Variants in UGGT1 observed in about 807,000 individuals in gnomAD.
UGGT1 encodes UDP-glucose glycoprotein glucosyltransferase 1.
UGGT1 carries 107 observed loss-of-function variants against 203.9 expected under a neutral mutation model. That is an observed-to-expected ratio of 0.52 (90% CI 0.45 to 0.62). The LOEUF (loss-of-function observed/expected upper bound fraction) is 0.62, where lower values mean the gene tolerates loss of function less well. UGGT1 is among the 20% of genes least tolerant of loss of function. The pLI is 0.00. For synonymous variants in UGGT1, 628 were observed against 653.5 expected (o/e 0.96, Z 0.59); for missense variants, 1,673 against 1,867.2 (o/e 0.90, Z 1.92).
rs374231558 is a variant in UGGT1 at position 128,145,012 on chromosome 2, GC to G, written c.1852-789del. On this transcript the variant is annotated intron_variant, in intron 17 of 40. Transcript: ENST00000259253. ...AAAAATGTCTGTCTTAGGTACATTT[GC>G]CGTTTTGTTGCCCCAGTATTTTCTG... Among the ~76,000 whole-genome samples the G allele has an allele frequency of 5.5e-4, 83 of 152,248 alleles. No homozygotes were observed. The East Asian group carries it at 8.5e-3, about 16-fold the overall frequency.
chr2:128,113,343 A>G, intron 6 of UGGT1, 85 bp downstream of exon 6: 1 of 1,139,660 alleles, frequency 8.8e-7, no homozygotes, highest in Non-Finnish European at 1.2e-6. Flanking sequence ...CTCCCTCTTT[A>G]TAAAAAAATC....
At chr2:128,120,955 AGTGT>A (rs1688354223) in intron 9 of UGGT1, among the ~76,000 whole-genome samples, 1 of 3,246 alleles carries the variant, frequency 3.1e-4, no homozygotes, top group Non-Finnish European at 7.2e-3. Context: ...TACATGCGTT[AGTGT>A]AGCGTTAGTG....
chr2:128,176,853 G>T lies in UGGT1; in HGVS notation c.3579G>T (p.Val1193=). ...GTDSPPDADE[V]VIVLNNFKSK... is the part of the protein sequence containing the mutation. ...ATTCTCCCCCTGATGCTGATGAGGTGGTTATCGTCCTCAACAACTTCAAAA... is the reference window on the plus strand; with the variant it reads ...ATTCTCCCCCTGATGCTGATGAGGTTGTTATCGTCCTCAACAACTTCAAAA... Residue 1193 remains valine, a synonymous_variant, in exon 32 of 41, where the codon GTG becomes GTT. Transcript: ENST00000259253. The T allele has an allele frequency of 6.2e-7, 1 of 1,614,104 alleles. No homozygotes were observed. Among genetic ancestry groups the T allele is most frequent in the South Asian group, 1.1e-5 (1 of 91,074 alleles).
intron 14 of UGGT1, 81 bp downstream of exon 14, chr2:128,133,341 C>T: frequency 1.3e-6 from 2 of 1,541,902 alleles, no homozygotes; most frequent in Non-Finnish European, 1.8e-6. Flanking sequence ...AGAATGGTCA[C>T]TTCTCACCTT....
Position 128,157,337 on chromosome 2 carries a change from CA to C in UGGT1, c.2349del (p.Lys783AsnfsTer11). The C allele has an allele frequency of 6.2e-7, 1 of 1,613,712 alleles. No individual in the cohort carries two copies. Among genetic ancestry groups the C allele is most frequent in the Non-Finnish European group, 8.5e-7 (1 of 1,179,654 alleles). On this transcript the variant is annotated frameshift_variant, in exon 22 of 41. Transcript: ENST00000259253. LOFTEE classifies it high-confidence loss of function. Reference protein sequence around the residue: ...SGRQLLYDAIKHQKSSNNVRI... With the variant: ...SGRQLLYDAIXHQKSSNNVRI... Reference sequence around the variant, plus strand: ...GACGGCAGTTACTGTATGATGCCATCAAACATCAGGCAAGTATCTATGACTT... The same window carrying C: ...GACGGCAGTTACTGTATGATGCCATCAACATCAGGCAAGTATCTATGACTT...
intron 4 of UGGT1, among the ~76,000 whole-genome samples, chr2:128,108,659 A>G: frequency 1.2e-5 from 1 of 86,360 alleles, no homozygotes; most frequent in Non-Finnish European, 2.6e-5. Flanking sequence ...AAAATAAAAC[A>G]TGGAAAAACT....
chr2:128,128,947 C>G, intron 12 of UGGT1, 82 bp from the exon 13 acceptor site: 2 of 1,386,636 alleles, frequency 1.4e-6, no homozygotes, highest in Non-Finnish European at 1.9e-6. Flanking sequence ...TGAGGTTGAA[C>G]TGATACATTT....
Position 128,170,319 on chromosome 2 carries a change from A to G in UGGT1, c.2953A>G (p.Thr985Ala), listed in dbSNP as rs1193987565. Reference protein sequence around the residue: ...AIKLRPKEGETYFDVVAVVDP... With the variant: ...AIKLRPKEGEAYFDVVAVVDP... The stretch of plus-strand genomic sequence containing the variant: ...CAAACTGAGGCCGAAGGAAGGGGAG[A>G]CATACTTTGATGTTGTGGCTGTCGT... The change falls in exon 27 of 41, where the codon ACA becomes GCA. Residue 985 changes from threonine to alanine, a missense_variant. Coordinates refer to ENST00000259253, the MANE Select transcript of UGGT1 (RefSeq NM_020120.4). The G allele has an allele frequency of 6.2e-7, 1 of 1,614,144 alleles. No individual in the cohort carries two copies. The highest frequency in any genetic ancestry group is 1.1e-5 in the South Asian group (1 of 91,078).
At position 128,123,492 on chromosome 2, in the gene UGGT1, C is replaced by G. The variant is rs1034015347; in HGVS notation, c.1134+246C>G. Among the ~76,000 whole-genome samples, 8 of 152,338 alleles carry G rather than the reference C, an allele frequency of 5.3e-5. No individual in the cohort carries two copies. The South Asian group carries it at 6.2e-4, about 12-fold the overall frequency. ...ACCCCTAACATGTCTCACCCCGTTC[C>G]TGAAGACATTCACTTTCGACATTTA... On this transcript the variant is annotated intron_variant, in intron 11 of 40. Transcript: ENST00000259253.
At chr2:128,181,985 C>A in intron 36 of UGGT1, 145 bp from the exon 37 acceptor site, 2 of 678,426 alleles carry the variant, frequency 2.9e-6, no homozygotes, top group Non-Finnish European at 4.9e-6. Context: ...GTGGAGCAAT[C>A]AAAGTGCATC....
chr2:128,179,834 C>T lies in UGGT1; in HGVS notation c.3864C>T (p.Phe1288=), dbSNP rs1287899937. 6.2e-7 allele frequency: 1 copy of T among 1,614,044 alleles called. No homozygotes were observed. Among genetic ancestry groups the T allele is most frequent in the East Asian group, 2.2e-5 (1 of 44,874 alleles). ...VLKNTKTPVK[F]WFLKNYLSPT... ...AGAATACCAAGACTCCTGTGAAATT[C>T]TGGTTCTTGAAGAATTACTTGTCCC... The change falls in exon 35 of 41, where the codon TTC becomes TTT. Residue 1288 remains phenylalanine, a synonymous_variant. Coordinates refer to ENST00000259253, the MANE Select transcript of UGGT1 (RefSeq NM_020120.4).
In UGGT1 at chr2:128,116,493, A is replaced by G. The variant is rs561421589; in HGVS notation, c.872+150A>G. The G allele has an allele frequency of 7.4e-6, 4 of 538,448 alleles. No individual in the cohort carries two copies. The Admixed American group carries it at 1.0e-4, about 14-fold the overall frequency. 33.4% of individuals were successfully genotyped at this position (538,448 alleles called of 1,614,324 possible). A position where few individuals can be genotyped will look rare whatever the true frequency, so the allele number is the denominator to read the frequency against. On this transcript the variant is annotated intron_variant, in intron 8 of 40. Transcript: ENST00000259253. ...GTATGCAATCCTACGTGGAGAGTCA[A>G]CCACTTAGTTTATAGTACAGTTTAT...
intron 1 of UGGT1, among the ~76,000 whole-genome samples, chr2:128,095,553 C>G (rs1168282412): frequency 1.3e-5 from 2 of 151,848 alleles, no homozygotes; most frequent in African/African-American, 4.8e-5. Flanking sequence ...CTGTCCCGCT[C>G]TGTTGCCCAG....
intron 39 of UGGT1, 120 bp from the exon 40 acceptor site, chr2:128,187,329 C>A (rs1692029898): frequency 9.3e-7 from 1 of 1,073,854 alleles, no homozygotes; most frequent in Non-Finnish European, 1.3e-6. Context: ...GGTAGTATAT[C>A]ATTTGGTTCC....
chr2:128,173,958 A>G lies in UGGT1; in HGVS notation c.3453+19A>G, dbSNP rs1339701681. 4.3e-6 allele frequency: 7 copies of G among 1,612,172 alleles called. No homozygotes were observed. The highest frequency in any genetic ancestry group is 5.9e-6 in the Non-Finnish European group (7 of 1,178,570). ...CAATCTGGTAAATAATCTGTTCATC[A>G]GATAGTGATATTGTAGTTACGTTAA... On this transcript the variant is annotated intron_variant, in intron 30 of 40. Coordinates refer to ENST00000259253, the MANE Select transcript of UGGT1 (RefSeq NM_020120.4).
At chr2:128,179,891 G>GAAAA (rs1691600187) in intron 35 of UGGT1, 21 bp downstream of exon 35, 2 of 1,589,848 alleles carry the variant, frequency 1.3e-6, no homozygotes, top group Non-Finnish European at 8.6e-7. Flanking sequence ...CAGAGAAAGG[G>GAAAA]AAAACATTCT....
In UGGT1 at chr2:128,183,662, C is replaced by A; in HGVS notation, c.4245-13C>A. 1 of 1,603,404 alleles carries A rather than the reference C, an allele frequency of 6.2e-7. No individual in the cohort carries two copies. The highest frequency in any genetic ancestry group is 1.1e-5 in the South Asian group (1 of 90,522). On this transcript the variant is annotated splice_polypyrimidine_tract_variant and intron_variant, in intron 37 of 40. Transcript: ENST00000259253. ...CCATGGTTGGTTGTAACAAGCGGGT[C>A]TTCTTTATTCAGTGCACTATATGTT...
chr2:128,108,135 T>C, intron 4 of UGGT1, 67 bp downstream of exon 4: 1 of 1,556,942 alleles, frequency 6.4e-7, no homozygotes, highest in Non-Finnish European at 8.7e-7. Flanking sequence ...TGGACCCCAG[T>C]TGTCCTGGAA....
intron 8 of UGGT1, among the ~76,000 whole-genome samples, chr2:128,118,962 G>T (rs1176715914): frequency 2.0e-5 from 3 of 152,068 alleles, no homozygotes; most frequent in Non-Finnish European, 4.4e-5. Context: ...GAGCCACCGC[G>T]CCTGGCCTCA....
Sources: allele counts gnomAD v4.1 joint callset (sites outside exome capture counted in the v4.1 genomes callset), GRCh38; gene constraint gnomAD v4.1.1; transcripts MANE v1.5; gene names NCBI Gene and HGNC (gene_info 2026-07-23, HGNC 2026-07-21).